The following SMAD3 variants were observed in gnomAD, a reference collection of about 807,000 sequenced individuals.
SMAD3 encodes the protein MAD homolog 3.
In SMAD3, 12 loss-of-function variants were observed where a neutral mutation model predicts 51.8. The observed-to-expected ratio is 0.23, with a 90% CI of 0.15 to 0.38. The LOEUF (loss-of-function observed/expected upper bound fraction) is 0.38. SMAD3 is among the 10% of genes least tolerant of loss of function. The probability of loss-of-function intolerance (pLI) is 1.00; values close to 1 mark genes in which losing one functional copy is unlikely to be tolerated. For synonymous variants in SMAD3, 238 were observed against 227.7 expected (o/e 1.05, Z -0.41); for missense variants, 294 against 565.6 (o/e 0.52, Z 4.87).
intron 1 of SMAD3, among the ~76,000 whole-genome samples, chr15:67,134,937 G>C (rs1280845225): frequency 2.6e-5 from 4 of 152,172 alleles, no homozygotes; most frequent in African/African-American, 9.7e-5. Context: ...GCCACTGAGG[G>C]GTGGGGCTGG....
At chr15:67,108,154 G>A (rs79126268) in intron 1 of SMAD3, among the ~76,000 whole-genome samples, 1 of 152,248 alleles carries the variant, frequency 6.6e-6, no homozygotes, top group African/African-American at 2.4e-5. Flanking sequence ...CTTGCCCTCG[G>A]GGGCTCCGGT....
chr15:67,167,123 C>T (rs1200837380), intron 4 of SMAD3, among the ~76,000 whole-genome samples: 1 of 152,186 alleles, frequency 6.6e-6, no homozygotes, highest in African/African-American at 2.4e-5. Context: ...AGGCACACAG[C>T]AGGGCCACTT....
Position 67,065,687 on chromosome 15 carries a change from G to A in SMAD3, c.-468G>A, listed in dbSNP as rs990333384. On this transcript the variant is annotated 5_prime_UTR_variant, in exon 1 of 9. Transcript: ENST00000327367. ...CCAGCGAGCGAGCGAGCGGCGAGCC[G>A]GGAGGAGGAGGGTGGCGGGGCGGTG... is the stretch of plus-strand genomic sequence containing the variant. Among the ~76,000 whole-genome samples, 2 of 151,528 alleles carry A rather than the reference G, an allele frequency of 1.3e-5. No individual in the cohort carries two copies. Among genetic ancestry groups the A allele is most frequent in the East Asian group, 1.9e-4 (1 of 5,154 alleles).
At chr15:67,150,845 G>GTT (rs1342434861) in intron 1 of SMAD3, among the ~76,000 whole-genome samples, 13 of 14,386 alleles carry the variant, frequency 9.0e-4, no homozygotes, top group South Asian at 2.0e-3. Flanking sequence ...CTATTTCTCA[G>GTT]TCTTTTTTTT....
chr15:67,170,749 G>A (rs954138918), intron 5 of SMAD3, 145 bp downstream of exon 5: 33 of 697,928 alleles, frequency 4.7e-5, no homozygotes, highest in South Asian at 6.9e-5. Context: ...TTCTGGTTAC[G>A]GTGATGTTGA....
intron 1 of SMAD3, among the ~76,000 whole-genome samples, chr15:67,153,486 G>C (rs922402438): frequency 9.3e-4 from 124 of 133,014 alleles, no homozygotes; most frequent in Non-Finnish European, 1.5e-3. Context: ...CTCCGTCTTG[G>C]GGGGCGGGCG....
chr15:67,096,014 A>C (rs1450577520), intron 1 of SMAD3, among the ~76,000 whole-genome samples: 1 of 152,200 alleles, frequency 6.6e-6, no homozygotes, highest in Non-Finnish European at 1.5e-5. Flanking sequence ...AGTGAGTGTG[A>C]GATGTCACAT....
At chr15:67,171,993 T>C (rs376601633) in intron 5 of SMAD3, among the ~76,000 whole-genome samples, 90 of 152,354 alleles carry the variant, frequency 5.9e-4, no homozygotes, top group African/African-American at 2.1e-3. Flanking sequence ...GTAGCACTTT[T>C]AGTCAACAGC....
chr15:67,073,737 C>G (rs572145291), intron 1 of SMAD3, among the ~76,000 whole-genome samples: 2 of 152,200 alleles, frequency 1.3e-5, no homozygotes, highest in Admixed American at 1.3e-4. Flanking sequence ...TGCAATGGCG[C>G]GGTCTTGCCT....
At position 67,181,365 on chromosome 15, in the gene SMAD3, C is replaced by T. The variant is rs370620091; in HGVS notation, c.783C>T (p.Thr261=). The T allele has an allele frequency of 1.3e-4, 216 of 1,613,984 alleles. No individual in the cohort carries two copies. Among genetic ancestry groups the T allele is most frequent in the African/African-American group, 1.6e-4 (12 of 74,902 alleles). The change falls in exon 6 of 9, where the codon ACC becomes ACT. Residue 261 remains threonine (T), a synonymous_variant. Transcript: ENST00000327367. ...SQPSMTVDGF[T]DPSNSERFCL... ...CATCCATGACTGTGGATGGCTTCAC[C>T]GACCCCTCCAATTCGGAGCGCTTCT...
intron 1 of SMAD3, among the ~76,000 whole-genome samples, chr15:67,119,015 TG>T (rs35572378): frequency 6.6e-6 from 1 of 152,136 alleles, no homozygotes; most frequent in African/African-American, 2.4e-5. Context: ...GCGTGGAGTT[TG>T]GGGGAGAGGT....
chr15:67,190,569 G>C lies in SMAD3; in HGVS notation c.*33G>C, dbSNP rs779372678. 2 of 1,611,258 alleles carry C rather than the reference G, an allele frequency of 1.2e-6. No individual in the cohort carries two copies. The highest frequency in any genetic ancestry group is 1.7e-6 in the Non-Finnish European group (2 of 1,177,922). On this transcript the variant is annotated 3_prime_UTR_variant, in exon 9 of 9. Transcript: ENST00000327367. ...AAGTATGGTAGGGGAGGGCAGGCTT[G>C]GGGAAAATGGCCATGCAGGAGGTGG... is the stretch of plus-strand genomic sequence containing the variant.
chr15:67,148,792 ACTATGAAG>A (rs1301913920), intron 1 of SMAD3, among the ~76,000 whole-genome samples: 1 of 152,222 alleles, frequency 6.6e-6, no homozygotes, highest in East Asian at 1.9e-4. Context: ...TCTGAAAGGT[ACTATGAAG>A]CTTACCAGTT....
chr15:67,135,559 A>T (rs28587205), intron 1 of SMAD3, among the ~76,000 whole-genome samples: 55,536 of 150,884 alleles, frequency 0.37, 10,673 homozygotes, highest in Non-Finnish European at 0.44. Context: ...GTTTTTTTTT[A>T]AAAAAAACTT....
chr15:67,166,453 C>T (rs549020049), intron 3 of SMAD3: 86 of 466,404 alleles, frequency 1.8e-4, no homozygotes, highest in African/African-American at 8.0e-4. Context: ...CAAGTCTGGA[C>T]GCCTCCCTGG....
At chr15:67,143,448 G>T (rs540476479) in intron 1 of SMAD3, among the ~76,000 whole-genome samples, 1 of 152,270 alleles carries the variant, frequency 6.6e-6, no homozygotes, top group Non-Finnish European at 1.5e-5. Flanking sequence ...AGAGTTGTTT[G>T]TTTGGAGGCA....
chr15:67,141,526 G>A (rs553032294), intron 1 of SMAD3, among the ~76,000 whole-genome samples: 1 of 152,288 alleles, frequency 6.6e-6, no homozygotes, highest in Non-Finnish European at 1.5e-5. Flanking sequence ...GTCTTCAGCT[G>A]AGGAAAGCCC....
At position 67,187,512 on chromosome 15, in the gene SMAD3, C is replaced by T; in HGVS notation, c.1154+3C>T. 1 of 1,614,172 alleles carries T rather than the reference C, an allele frequency of 6.2e-7. No homozygotes were observed. The highest frequency in any genetic ancestry group is 8.5e-7 in the Non-Finnish European group (1 of 1,180,030). On this transcript the variant is annotated splice_donor_region_variant and intron_variant, in intron 8 of 8. Transcript: ENST00000327367. ...AAAGGCTGGGGAGCGGAGTACAGGT[C>T]AGTTATGGGTGCTGCCTACATCAGG...
At chr15:67,144,950 G>A (rs1355259986) in intron 1 of SMAD3, among the ~76,000 whole-genome samples, 1 of 152,112 alleles carries the variant, frequency 6.6e-6, no homozygotes, top group Non-Finnish European at 1.5e-5. Flanking sequence ...TAGCCTTGTG[G>A]ATTCCCTCAT....
Sources: gnomAD v4.1 joint callset for allele counts (sites outside exome capture counted in the v4.1 genomes callset) on GRCh38, gnomAD v4.1.1 for gene constraint, MANE v1.5 for transcripts, NCBI Gene and HGNC (gene_info 2026-07-23, HGNC 2026-07-21) for gene names.